VPS52: variants seen among roughly 807,000 people sequenced by gnomAD.
VPS52 encodes vacuolar protein sorting-associated protein 52 homolog.
Under a neutral mutation model 98.7 loss-of-function variants are expected in VPS52, and 56 were observed. The ratio of observed to expected loss-of-function variants is 0.57; its 90% CI spans 0.46 to 0.71. VPS52 has a LOEUF of 0.71. Among genes scored for constraint, VPS52 ranks in the 30% least tolerant of loss-of-function variants. The pLI is 0.00. For missense variants in VPS52, 742 were observed against 925.9 expected (o/e 0.80, Z 2.58); for synonymous variants, 348 against 346.4 (o/e 1.00, Z -0.05).
chr6:33,269,870 A>C, intron 3 of VPS52, 51 bp from the exon 4 acceptor site: 1 of 1,595,806 alleles, frequency 6.3e-7, no homozygotes, highest in Non-Finnish European at 8.6e-7. Flanking sequence ...GTAAAGGGAC[A>C]CTGTAACAGA....
intron 1 of VPS52, 152 bp downstream of exon 1, chr6:33,271,434 T>G (rs1765059717): frequency 5.3e-6 from 6 of 1,123,392 alleles, no homozygotes; most frequent in Non-Finnish European, 7.9e-6. Flanking sequence ...CCGCTCAGGG[T>G]CGGGTCTGAT....
chr6:33,265,943 TGCAATCTCCTCCTCCCAGGTTCAA>T (rs1053075628), intron 12 of VPS52, among the ~76,000 whole-genome samples: 17 of 152,144 alleles, frequency 1.1e-4, no homozygotes, highest in African/African-American at 4.1e-4. Context: ...CTTGGCTCAC[TGCAATCTCCTCCTCCCAGGTTCAA>T]GCAATCCTCC....
Position 33,251,650 on chromosome 6 carries a change from G to T in VPS52, c.1907-14C>A. ...GAGTTACCCGGGCTAATAGCAGGAG[G>T]AAACAGTGTCAGAGAGGGATCTGGC... On this transcript the variant is annotated splice_polypyrimidine_tract_variant and intron_variant, in intron 18 of 19. Coordinates refer to ENST00000445902, the MANE Select transcript of VPS52 (RefSeq NM_022553.6). 1 of 1,599,444 alleles carries T rather than the reference G, an allele frequency of 6.3e-7. No homozygotes were observed. The highest frequency in any genetic ancestry group is 1.3e-5 in the African/African-American group (1 of 74,698).
Position 33,268,306 on chromosome 6 carries a change from G to A in VPS52, c.700-98C>T, listed in dbSNP as rs1041041130. The A allele has an allele frequency of 2.2e-6, 3 of 1,373,002 alleles. No individual in the cohort carries two copies. Among genetic ancestry groups the A allele is most frequent in the African/African-American group, 1.4e-5 (1 of 69,902 alleles). 85.1% of individuals were successfully genotyped at this position (1,373,002 alleles called of 1,614,324 possible). On this transcript the variant is annotated intron_variant, in intron 7 of 19. Coordinates refer to ENST00000445902, the MANE Select transcript of VPS52 (RefSeq NM_022553.6). The surrounding 1 kb of genome is among the most constrained non-coding windows in gnomAD (Gnocchi z 4.0). ...AACAAATGGTAAACATAGGCAGAAG[G>A]GTGGTGAATATCTCTTTGGTATTTC...
intron 14 of VPS52, 124 bp downstream of exon 14, chr6:33,264,250 C>A (rs1764003821): frequency 1.3e-6 from 2 of 1,556,508 alleles, no homozygotes; most frequent in Admixed American, 3.5e-5. Context: ...ATGAGTTTCA[C>A]CACCCTCCCA....
chr6:33,264,364 C>T lies in VPS52; in HGVS notation c.1524+10G>A. On this transcript the variant is annotated intron_variant, in intron 14 of 19. Coordinates refer to ENST00000445902, the MANE Select transcript of VPS52 (RefSeq NM_022553.6). ...TTCAAGAACCCTTTGTTACCCTTGC[C>T]CTCCCTCACATAGTGGGGCCGAGTA... The T allele has an allele frequency of 3.7e-6, 6 of 1,613,626 alleles. No individual in the cohort carries two copies. The highest frequency in any genetic ancestry group is 5.1e-6 in the Non-Finnish European group (6 of 1,179,742).
At chr6:33,266,487 T>C (rs1228860168) in intron 12 of VPS52, 70 bp downstream of exon 12, 6 of 1,479,116 alleles carry the variant, frequency 4.1e-6, no homozygotes, top group Non-Finnish European at 5.4e-6. Flanking sequence ...ACCAGAGTCA[T>C]GACCCCACTA....
chr6:33,264,236 C>A, intron 14 of VPS52, 133 bp from the exon 15 acceptor site: 1 of 1,542,592 alleles, frequency 6.5e-7, no homozygotes, highest in African/African-American at 1.4e-5. Context: ...GTGCACCACT[C>A]ACCATGAGTT....
At chr6:33,263,728 C>A (rs749719011) in intron 16 of VPS52, 44 bp downstream of exon 16, 2 of 1,611,994 alleles carry the variant, frequency 1.2e-6, no homozygotes, top group South Asian at 2.2e-5. Flanking sequence ...TGGGGGAAAC[C>A]GAATTTTCTG....
In VPS52 at chr6:33,269,508, G is replaced by A. The variant is rs77672870; in HGVS notation, c.354C>T (p.Ala118=). 3,583 of 1,613,504 alleles carry A rather than the reference G, an allele frequency of 2.2e-3. 82 individuals are homozygous for A. The African/African-American group carries it at 0.041, about 19-fold the overall frequency. ...TACTAACCTCCAGGACAGCATCACA[G>A]GCTGTGATCTGGTTGTGTAGAGATG... is the stretch of plus-strand genomic sequence containing the variant. ...NIASLHNQIT[A]CDAVLERMEQ... The change falls in exon 5 of 20, where the codon GCC becomes GCT. Residue 118 remains alanine (A), a synonymous_variant. Transcript: ENST00000445902.
rs1319215277 is a variant in VPS52 at position 33,264,904 on chromosome 6, T to C, written c.1282-4A>G. 1 of 1,608,534 alleles carries C rather than the reference T, an allele frequency of 6.2e-7. No homozygotes were observed. The highest frequency in any genetic ancestry group is 2.2e-5 in the East Asian group (1 of 44,878). ...CTAGATAAGAATCCAGGTGTTTCTG[T>C]GTGATTGGGGAACAAACAGAGGATT... On this transcript the variant is annotated splice_region_variant and splice_polypyrimidine_tract_variant and intron_variant, in intron 12 of 19. Transcript: ENST00000445902.
rs1764464407 is a variant in VPS52, at chr6:33,267,381, A to C, written c.992-60T>G. The C allele has an allele frequency of 1.3e-6, 2 of 1,521,402 alleles. No homozygotes were observed. The highest frequency in any genetic ancestry group is 1.8e-6 in the Non-Finnish European group (2 of 1,135,550). The allele number at this position is 1,521,402 out of a possible 1,614,324, so 94.2% of individuals were successfully genotyped here. ...CCATAACTGGGCCCAAAGACTCACT[A>C]TCTGTGGGGACCCCAGACAGGCAGA... On this transcript the variant is annotated intron_variant, in intron 10 of 19. Transcript: ENST00000445902. This position sits in a 1 kb window ranked among gnomAD's most constrained non-coding sequence, Gnocchi z 4.2.
At chr6:33,269,640 G>C in intron 4 of VPS52, 83 bp from the exon 5 acceptor site, 1 of 1,574,250 alleles carries the variant, frequency 6.4e-7, no homozygotes, top group Non-Finnish European at 8.7e-7. Context: ...TCTCTTTGAA[G>C]TGATAGAAAC....
intron 1 of VPS52, 83 bp from the exon 2 acceptor site, chr6:33,270,366 G>T: frequency 7.7e-7 from 1 of 1,298,312 alleles, no homozygotes; most frequent in Non-Finnish European, 1.1e-6. Flanking sequence ...AGTCCTTCAA[G>T]TGAGAAGGAG....
rs9280379 is a variant in VPS52 at position 33,252,588 on chromosome 6, CAAAAAAAAAAAA to C, written c.1795-629_1795-618del. On this transcript the variant is annotated intron_variant, in intron 17 of 19. Transcript: ENST00000445902. ...TGGATGACAGAGCAAGACTCCGTCT[CAAAAAAAAAAAA>C]AAAAAAAAAGGATGTAAAAATGACC... Among the ~76,000 whole-genome samples, 56 of 96,172 alleles carry C rather than the reference CAAAAAAAAAAAA, an allele frequency of 5.8e-4. 1 individual carries two copies. In the East Asian group the frequency reaches 0.011, roughly 19 times the overall value. The allele number at this position is 96,172 out of a possible 152,430, so 63.1% of individuals were successfully genotyped here.
Position 33,269,981 on chromosome 6 carries a change from T to C in VPS52, c.228+18A>G. 1 of 1,614,102 alleles carries C rather than the reference T, an allele frequency of 6.2e-7. No individual in the cohort carries two copies. The highest frequency in any genetic ancestry group is 1.1e-5 in the South Asian group (1 of 91,082). Reference sequence around the variant, plus strand: ...TAGAATAGATAGAAGGGCAGATTAGTACAGGGGAAAGCCTCACCGTTTTAA... The same window carrying C: ...TAGAATAGATAGAAGGGCAGATTAGCACAGGGGAAAGCCTCACCGTTTTAA... On this transcript the variant is annotated intron_variant, in intron 3 of 19. Coordinates refer to ENST00000445902, the MANE Select transcript of VPS52 (RefSeq NM_022553.6).
At chr6:33,260,573 G>A (rs1445625837) in intron 17 of VPS52, among the ~76,000 whole-genome samples, 1 of 152,082 alleles carries the variant, frequency 6.6e-6, no homozygotes, top group Non-Finnish European at 1.5e-5. Flanking sequence ...TCGTGCACAG[G>A]TACTCGTTGA....
chr6:33,256,340 C>T (rs1420819846), intron 17 of VPS52, among the ~76,000 whole-genome samples: 2 of 151,208 alleles, frequency 1.3e-5, no homozygotes, highest in Admixed American at 1.3e-4. Context: ...TGCTGTGTGC[C>T]TCTAGTCCTA....
At chr6:33,265,158 C>T (rs890347418) in intron 12 of VPS52, among the ~76,000 whole-genome samples, 1 of 152,084 alleles carries the variant, frequency 6.6e-6, no homozygotes, top group African/African-American at 2.4e-5. Flanking sequence ...CTGCAACCTC[C>T]GCCTGCCTCC....
Sources: allele counts gnomAD v4.1 joint callset (sites outside exome capture counted in the v4.1 genomes callset), GRCh38; gene constraint gnomAD v4.1.1; non-coding constraint Gnocchi (gnomAD v3.1); transcripts MANE v1.5; gene names NCBI Gene and HGNC (gene_info 2026-07-23, HGNC 2026-07-21).